The following WFDC11 variants were observed in gnomAD, a reference collection of about 807,000 sequenced individuals.
The protein encoded by WFDC11 is protein WFDC11.
A neutral mutation model predicts 9.9 loss-of-function variants in WFDC11; 9 were observed. The observed-to-expected ratio is 0.91, with a 90% CI of 0.55 to 1.58. The LOEUF is 1.58. Ranked by LOEUF, WFDC11 falls within the 40% of genes most tolerant of loss-of-function variation. The probability of loss-of-function intolerance (pLI) is 0.00; values close to 1 mark genes in which losing one functional copy is unlikely to be tolerated. For synonymous variants in WFDC11, 32 were observed against 33.3 expected, an observed-to-expected ratio of 0.96 and a Z score of 0.13; for missense variants, 106 against 101.7, an observed-to-expected ratio of 1.04 and a Z score of -0.18.
At chr20:45,651,436 T>C (rs959048874) in intron 2 of WFDC11, among the ~76,000 whole-genome samples, 3 of 152,212 alleles carry the variant, frequency 2.0e-5, no homozygotes, top group Non-Finnish European at 4.4e-5. Context: ...ATTCTGTGAA[T>C]ATGTCACACA....
intron 1 of WFDC11, among the ~76,000 whole-genome samples, chr20:45,668,950 T>C (rs1156352158): frequency 6.6e-6 from 1 of 152,202 alleles, no homozygotes. Flanking sequence ...TAATTCAATC[T>C]GTGCATAAAT....
At chr20:45,654,542 A>G (rs1270222022) in intron 2 of WFDC11, among the ~76,000 whole-genome samples, 1 of 152,238 alleles carries the variant, frequency 6.6e-6, no homozygotes, top group East Asian at 1.9e-4. Flanking sequence ...AAGAGCAAAC[A>G]AATTCAAAAG....
At chr20:45,653,540 A>T (rs1982857002) in intron 2 of WFDC11, among the ~76,000 whole-genome samples, 1 of 152,152 alleles carries the variant, frequency 6.6e-6, no homozygotes, top group East Asian at 1.9e-4. Flanking sequence ...GCAAAATAAC[A>T]GCTAACATCA....
chr20:45,654,047 C>T (rs1313807600), intron 2 of WFDC11, among the ~76,000 whole-genome samples: 2 of 152,156 alleles, frequency 1.3e-5, no homozygotes, highest in Non-Finnish European at 2.9e-5. Context: ...ACAAGGATTT[C>T]CAGGAATTGA....
intron 2 of WFDC11, among the ~76,000 whole-genome samples, chr20:45,659,517 G>T (rs918261249): frequency 2.0e-4 from 30 of 152,346 alleles, no homozygotes; most frequent in African/African-American, 7.0e-4. Flanking sequence ...CTTCTTCTGA[G>T]AAGTGTCTGT....
Position 45,648,593 on chromosome 20 carries a change from T to G in WFDC11, c.*126A>C. On this transcript the variant is annotated 3_prime_UTR_variant, in exon 5 of 5. Transcript: ENST00000324384. ...GTAAATAAGTTTATTTGTCAAGTGT[T>G]TGCTGTTGTCCAGCTCTCAGTAAAA... 9.9e-7 allele frequency: 1 copy of G among 1,011,068 alleles called. No individual in the cohort carries two copies. The highest frequency in any genetic ancestry group is 1.5e-6 in the Non-Finnish European group (1 of 674,498). 62.6% of individuals were successfully genotyped at this position (1,011,068 alleles called of 1,614,324 possible).
chr20:45,664,337 C>T (rs1983141113), intron 2 of WFDC11, among the ~76,000 whole-genome samples: 2 of 152,128 alleles, frequency 1.3e-5, no homozygotes, highest in Non-Finnish European at 2.9e-5. Context: ...GATGGGTCTC[C>T]TGATTATAGC....
chr20:45,668,278 C>T (rs1382988956), intron 1 of WFDC11, among the ~76,000 whole-genome samples: 1 of 152,262 alleles, frequency 6.6e-6, no homozygotes, highest in Middle Eastern at 3.4e-3. Flanking sequence ...CTGAGTAAGT[C>T]TTGACTGGGT....
In WFDC11 at chr20:45,650,489, C is replaced by G. The variant is rs753717373; in HGVS notation, c.100+12G>C. 1.2e-6 allele frequency: 2 copies of G among 1,611,758 alleles called. No individual in the cohort carries two copies. Among genetic ancestry groups the G allele is most frequent in the Non-Finnish European group, 1.7e-6 (2 of 1,178,068 alleles). On this transcript the variant is annotated intron_variant, in intron 3 of 4. Transcript: ENST00000324384. ...CCCCTCCTGTGGCCCCTAATCCAGC[C>G]TCACCACCTACTGTCATATCTTTTC...
intron 2 of WFDC11, among the ~76,000 whole-genome samples, chr20:45,663,569 T>C (rs1393741318): frequency 3.3e-5 from 5 of 152,224 alleles, no homozygotes; most frequent in Non-Finnish European, 7.3e-5. Flanking sequence ...CATTTAGTGC[T>C]ATAAATTTCC....
intron 1 of WFDC11, among the ~76,000 whole-genome samples, chr20:45,667,760 C>T (rs1465120319): frequency 6.6e-6 from 1 of 152,194 alleles, no homozygotes; most frequent in African/African-American, 2.4e-5. Context: ...AATAGCAGTA[C>T]TTTCTTCATA....
chr20:45,653,609 T>A (rs1017841277), intron 2 of WFDC11, among the ~76,000 whole-genome samples: 10 of 152,192 alleles, frequency 6.6e-5, no homozygotes, highest in African/African-American at 2.4e-4. Context: ...ATGGGCTAAA[T>A]GCTCCAATTA....
In WFDC11 at chr20:45,666,546, G is replaced by A. The variant is rs530023500; in HGVS notation, c.-52+542C>T. ...CTGCAGACCAGAGCTGTTCCTATTC[G>A]GCCATCTTGGAGCCGCCTCCTCCAT... On this transcript the variant is annotated intron_variant, in intron 2 of 4. Coordinates refer to ENST00000324384, the MANE Select transcript of WFDC11 (RefSeq NM_147197.2). 1.6e-4 allele frequency among the ~76,000 whole-genome samples: 25 copies of A among 152,216 alleles called. No individual in the cohort carries two copies. The East Asian group carries it at 2.1e-3, about 13-fold the overall frequency.
intron 2 of WFDC11, among the ~76,000 whole-genome samples, chr20:45,661,686 A>G (rs887369527): frequency 5.9e-5 from 9 of 152,046 alleles, no homozygotes; most frequent in African/African-American, 1.9e-4. Context: ...TCCTTTCCCC[A>G]TTGCTTGTTT....
intron 2 of WFDC11, among the ~76,000 whole-genome samples, chr20:45,651,449 A>G (rs1017083689): frequency 2.6e-5 from 4 of 152,112 alleles, no homozygotes; most frequent in Admixed American, 1.3e-4. Flanking sequence ...GTCACACAAT[A>G]TTTATTCATT....
At chr20:45,668,948 T>C (rs1471970196) in intron 1 of WFDC11, among the ~76,000 whole-genome samples, 1 of 152,196 alleles carries the variant, frequency 6.6e-6, no homozygotes, top group Admixed American at 6.5e-5. Flanking sequence ...GATAATTCAA[T>C]CTGTGCATAA....
At chr20:45,669,872 T>G (rs980174022) in intron 1 of WFDC11, among the ~76,000 whole-genome samples, 9 of 152,218 alleles carry the variant, frequency 5.9e-5, no homozygotes, top group African/African-American at 9.6e-5. Flanking sequence ...AAAAGATCCA[T>G]GAAACCAAAA....
chr20:45,664,608 G>A (rs1207204196), intron 2 of WFDC11, among the ~76,000 whole-genome samples: 1 of 152,200 alleles, frequency 6.6e-6, no homozygotes, highest in Non-Finnish European at 1.5e-5. Flanking sequence ...TGTAAGACAG[G>A]CCTGGTGGTG....
intron 2 of WFDC11, among the ~76,000 whole-genome samples, chr20:45,666,670 T>C (rs1983194829): frequency 6.6e-6 from 1 of 152,256 alleles, no homozygotes; most frequent in Non-Finnish European, 1.5e-5. Flanking sequence ...TTATCTATTC[T>C]ATCATGAGTA....
Sources: allele counts gnomAD v4.1 joint callset (sites outside exome capture counted in the v4.1 genomes callset), GRCh38; gene constraint gnomAD v4.1.1; transcripts MANE v1.5; gene names NCBI Gene and HGNC (gene_info 2026-07-23, HGNC 2026-07-21).